Variants in MAP2K6 observed in about 807,000 individuals in gnomAD.
MAP2K6 encodes mitogen-activated protein kinase kinase 6, also known as dual specificity mitogen-activated protein kinase kinase 6.
MAP2K6 carries 16 observed loss-of-function variants against 53.7 expected under a neutral mutation model. The ratio of observed to expected loss-of-function variants is 0.30; its 90% confidence interval spans 0.20 to 0.45. The LOEUF (loss-of-function observed/expected upper bound fraction) is 0.45. Ranked by LOEUF, MAP2K6 falls within the 20% of genes least tolerant of loss-of-function variation. The pLI is 1.00. For missense variants in MAP2K6, 204 were observed against 411.9 expected, an observed-to-expected ratio of 0.50 and a Z score of 4.37; for synonymous variants, 132 against 143.1, an observed-to-expected ratio of 0.92 and a Z score of 0.55.
intron 1 of MAP2K6, among the ~76,000 whole-genome samples, chr17:69,416,716 A>G (rs1218834850): frequency 6.6e-6 from 1 of 152,242 alleles, no homozygotes; most frequent in East Asian, 1.9e-4. Flanking sequence ...TAAGGAAATC[A>G]TTATAATACA....
intron 1 of MAP2K6, among the ~76,000 whole-genome samples, chr17:69,495,944 C>T (rs549671724): frequency 6.6e-4 from 101 of 152,178 alleles, no homozygotes; most frequent in Middle Eastern, 3.4e-3. Context: ...AGTAGGAGTT[C>T]CCTACTGCCT....
intron 2 of MAP2K6, among the ~76,000 whole-genome samples, chr17:69,508,745 AT>A (rs1168366372): frequency 1.3e-5 from 2 of 152,138 alleles, no homozygotes; most frequent in African/African-American, 2.4e-5. Context: ...GTAGTTTTGC[AT>A]TTTGCATTTA....
At chr17:69,515,709 C>T (rs1910106039) in intron 2 of MAP2K6, among the ~76,000 whole-genome samples, 1 of 152,174 alleles carries the variant, frequency 6.6e-6, no homozygotes, top group Admixed American at 6.5e-5. Flanking sequence ...TATTGCTGGG[C>T]TTGATAAGAC....
intron 10 of MAP2K6, 30 bp downstream of exon 10, chr17:69,526,739 T>G (rs1273897909): frequency 6.2e-7 from 1 of 1,602,912 alleles, no homozygotes; most frequent in Non-Finnish European, 8.5e-7. Flanking sequence ...CAAGTGTCAG[T>G]GTGAAAGAAG....
chr17:69,460,767 A>G (rs2145169926), intron 1 of MAP2K6, among the ~76,000 whole-genome samples: 1 of 152,102 alleles, frequency 6.6e-6, no homozygotes, highest in East Asian at 1.9e-4. Flanking sequence ...CCCTTGGTTA[A>G]TTTTGGTGTT....
At chr17:69,428,924 A>G (rs1439533002) in intron 1 of MAP2K6, among the ~76,000 whole-genome samples, 1 of 119,814 alleles carries the variant, frequency 8.3e-6, no homozygotes, top group Non-Finnish European at 1.7e-5. Context: ...GGTGTGTTAA[A>G]TTAGAGAACA....
Position 69,427,652 on chromosome 17 carries a change from C to T in MAP2K6, c.16+12652C>T, listed in dbSNP as rs150243154. ...GTGTGAAGGAGGTGAATTGAGTCACCCCTCCTCAGATTCATGTAAGCCACA... is the reference window on the plus strand; with the variant it reads ...GTGTGAAGGAGGTGAATTGAGTCACTCCTCCTCAGATTCATGTAAGCCACA... On this transcript the variant is annotated intron_variant, in intron 1 of 11. Transcript: ENST00000590474. Among the ~76,000 whole-genome samples the T allele has an allele frequency of 4.0e-3, 607 of 152,082 alleles. 5 individuals carry two copies. The highest frequency in any genetic ancestry group is 0.014 in the African/African-American group (569 of 41,478).
chr17:69,475,335 A>AT (rs34177836), intron 1 of MAP2K6, among the ~76,000 whole-genome samples: 43,178 of 151,142 alleles, frequency 0.29, 6,242 homozygotes, highest in Middle Eastern at 0.35. Context: ...CGCCCGGCTA[A>AT]TTTTTTGTAT....
intron 5 of MAP2K6, 117 bp downstream of exon 5, chr17:69,519,549 A>C (rs1910357090): frequency 4.8e-6 from 6 of 1,248,314 alleles, no homozygotes; most frequent in Non-Finnish European, 6.8e-6. Flanking sequence ...CATCTTGTAT[A>C]CGGGGGTTTA....
chr17:69,444,888 CT>C (rs1473793898), intron 1 of MAP2K6, among the ~76,000 whole-genome samples: 1 of 152,164 alleles, frequency 6.6e-6, no homozygotes, highest in Non-Finnish European at 1.5e-5. Flanking sequence ...TTACTGGAGA[CT>C]TACTGGAAAT....
At chr17:69,458,822 C>A (rs1203555744) in intron 1 of MAP2K6, among the ~76,000 whole-genome samples, 4 of 152,134 alleles carry the variant, frequency 2.6e-5, no homozygotes, top group Admixed American at 2.6e-4. Flanking sequence ...TGGTGTGTCG[C>A]CCCTGTCCTC....
intron 1 of MAP2K6, among the ~76,000 whole-genome samples, chr17:69,486,721 A>G (rs1393514668): frequency 2.0e-5 from 3 of 152,200 alleles, no homozygotes; most frequent in African/African-American, 7.2e-5. Context: ...AAAGTAATTT[A>G]TGTCAAGTAG....
At chr17:69,432,252 C>A (rs916951726) in intron 1 of MAP2K6, among the ~76,000 whole-genome samples, 3 of 152,194 alleles carry the variant, frequency 2.0e-5, no homozygotes, top group Admixed American at 1.3e-4. Flanking sequence ...TCATGAAGAA[C>A]TTGATTTTTA....
intron 1 of MAP2K6, among the ~76,000 whole-genome samples, chr17:69,421,561 CAG>C (rs1314437288): frequency 2.7e-5 from 4 of 148,618 alleles, no homozygotes; most frequent in African/African-American, 1.0e-4. Context: ...TTTTTTGAGA[CAG>C]AGTCTCGCTC....
intron 1 of MAP2K6, among the ~76,000 whole-genome samples, chr17:69,451,767 C>G (rs1211651704): frequency 6.6e-6 from 1 of 152,156 alleles, no homozygotes; most frequent in Non-Finnish European, 1.5e-5. Flanking sequence ...TGACTGGATA[C>G]AGGCTGCCCC....
chr17:69,505,391 T>G (rs1909410378), intron 1 of MAP2K6: 1 of 166,366 alleles, frequency 6.0e-6, no homozygotes, highest in Non-Finnish European at 1.2e-5. Flanking sequence ...TGCAGTGGGC[T>G]GAGATTGTGC....
chr17:69,517,534 T>C lies in MAP2K6; in HGVS notation c.167T>C (p.Ile56Thr), dbSNP rs1195483404. 1.2e-6 allele frequency: 2 copies of C among 1,611,132 alleles called. No individual in the cohort carries two copies. Among genetic ancestry groups the C allele is most frequent in the South Asian group, 2.2e-5 (2 of 90,758 alleles). ...FEVKADDLEP[I>T]MELGRGAYGV... The stretch of plus-strand genomic sequence containing the variant: ...GTGAAGGCAGATGACCTGGAGCCTA[T>C]AATGGAACTGGGACGAGGTGCGTAC... Residue 56 changes from isoleucine to threonine, a missense_variant, in exon 4 of 12, where the codon ATA becomes ACA. Transcript: ENST00000590474.
At chr17:69,513,901 G>C (rs539442862) in intron 2 of MAP2K6, among the ~76,000 whole-genome samples, 1 of 152,226 alleles carries the variant, frequency 6.6e-6, no homozygotes, top group East Asian at 1.9e-4. Context: ...GATCACTTGA[G>C]GTCAGGAGTT....
Position 69,541,816 on chromosome 17 carries a change from T to G in MAP2K6, c.*63T>G. ...TGGTGGGTTTCGGGGTGAAGCAAGT[T>G]CACTACAGCATCAATAGAAAGTCAT... On this transcript the variant is annotated 3_prime_UTR_variant, in exon 12 of 12. Transcript: ENST00000590474. 2 of 1,177,318 alleles carry G rather than the reference T, an allele frequency of 1.7e-6. No individual in the cohort carries two copies. Among genetic ancestry groups the G allele is most frequent in the Non-Finnish European group, 1.3e-6 (1 of 791,452 alleles). 72.9% of individuals were successfully genotyped at this position (1,177,318 alleles called of 1,614,324 possible).
Sources: gnomAD v4.1 joint callset for allele counts (sites outside exome capture counted in the v4.1 genomes callset) on GRCh38, gnomAD v4.1.1 for gene constraint, MANE v1.5 for transcripts, NCBI Gene and HGNC (gene_info 2026-07-23, HGNC 2026-07-21) for gene names.